ADAMTS5: variants seen among roughly 807,000 people sequenced by gnomAD.
ADAMTS5 encodes ADAM metallopeptidase with thrombospondin type 1 motif 5, also known as A disintegrin and metalloproteinase with thrombospondin motifs 5.
In ADAMTS5, 54 loss-of-function variants were observed where a neutral mutation model predicts 81.4. The ratio of observed to expected loss-of-function variants is 0.66; its 90% CI spans 0.53 to 0.83. ADAMTS5 has a LOEUF of 0.83. ADAMTS5 is among the 40% of genes least tolerant of loss of function. ADAMTS5 has a pLI of 0.00. For synonymous variants in ADAMTS5, 532 were observed against 508.8 expected (o/e 1.05, Z -0.61); for missense variants, 1,194 against 1,229.9 (o/e 0.97, Z 0.44).
At chr21:26,940,374 T>C (rs1192844965) in intron 3 of ADAMTS5, among the ~76,000 whole-genome samples, 1 of 152,202 alleles carries the variant, frequency 6.6e-6, no homozygotes, top group Non-Finnish European at 1.5e-5. Flanking sequence ...TTTTTTTCTG[T>C]GTGTCAATTA....
intron 2 of ADAMTS5, among the ~76,000 whole-genome samples, chr21:26,951,813 T>TA (rs772821896): frequency 2.9e-5 from 4 of 138,290 alleles, no homozygotes; most frequent in Non-Finnish European, 4.6e-5. Context: ...ATCCAAAAAA[T>TA]ACAGCACGGG....
At chr21:26,930,138 C>T in intron 6 of ADAMTS5, 77 bp from the exon 7 acceptor site, 1 of 1,422,460 alleles carries the variant, frequency 7.0e-7, no homozygotes, top group East Asian at 2.3e-5. Flanking sequence ...AGTAAGTTCT[C>T]ATTTGTGATT....
At chr21:26,939,340 C>T (rs1480193278) in intron 3 of ADAMTS5, among the ~76,000 whole-genome samples, 2 of 152,078 alleles carry the variant, frequency 1.3e-5, no homozygotes, top group African/African-American at 2.4e-5. Flanking sequence ...TATAAGTCAC[C>T]GTGGCCTTAA....
chr21:26,927,153 A>G (rs188217194), intron 7 of ADAMTS5, among the ~76,000 whole-genome samples: 1 of 152,198 alleles, frequency 6.6e-6, no homozygotes, highest in African/African-American at 2.4e-5. Flanking sequence ...TATGGCTGGC[A>G]GGGCAAAGGA....
At position 26,954,878 on chromosome 21, in the gene ADAMTS5, A is replaced by G. The variant is rs749063923; in HGVS notation, c.1105-7T>C. 6.2e-7 allele frequency: 1 copy of G among 1,613,274 alleles called. No individual in the cohort carries two copies. The highest frequency in any genetic ancestry group is 8.5e-7 in the Non-Finnish European group (1 of 1,179,770). ...AATGATGCCCACATAAATCCTGCCC[A>G]GGAGAAAGAAAGAAATCATTAAAAT... On this transcript the variant is annotated splice_region_variant and splice_polypyrimidine_tract_variant and intron_variant, in intron 1 of 7. Transcript: ENST00000284987.
At chr21:26,942,916 G>A (rs556065032) in intron 3 of ADAMTS5, among the ~76,000 whole-genome samples, 1 of 152,262 alleles carries the variant, frequency 6.6e-6, no homozygotes, top group South Asian at 2.1e-4. Flanking sequence ...AATCTAGAAA[G>A]CTTCCTCTTC....
chr21:26,923,955 G>T lies in ADAMTS5; in HGVS notation c.*98C>A. The T allele has an allele frequency of 7.9e-7, 1 of 1,267,838 alleles. No homozygotes were observed. The highest frequency in any genetic ancestry group is 1.1e-6 in the Non-Finnish European group (1 of 933,844). The allele number at this position is 1,267,838 out of a possible 1,614,324, so 78.5% of individuals were successfully genotyped here. ...GACTCCTGTTGACAATGTCACTGAA[G>T]CATGACTTTCTGTGCGTTAGGTAGA... On this transcript the variant is annotated 3_prime_UTR_variant, in exon 8 of 8. Coordinates refer to ENST00000284987, the MANE Select transcript of ADAMTS5 (RefSeq NM_007038.5).
At chr21:26,926,345 A>G (rs181916038) in intron 7 of ADAMTS5, among the ~76,000 whole-genome samples, 144 of 152,336 alleles carry the variant, frequency 9.5e-4, no homozygotes, top group African/African-American at 2.7e-3. Flanking sequence ...GAACAAGTTC[A>G]CTTTAGAGCT....
Position 26,965,375 on chromosome 21 carries a change from C to A in ADAMTS5, c.1017G>T (p.Lys339Asn). The change falls in exon 1 of 8, where the codon AAG becomes AAT. Residue 339 changes from lysine to asparagine, a missense_variant. Coordinates refer to ENST00000284987, the MANE Select transcript of ADAMTS5 (RefSeq NM_007038.5). Reference sequence around the variant, plus strand: ...GTTGGTGCTGCCACTTGCAAAAGTTCTTGAGTGTGGTGGCAGCGTTCTTGC... The same window carrying A: ...GTTGGTGCTGCCACTTGCAAAAGTTATTGAGTGTGGTGGCAGCGTTCTTGC... The part of the protein sequence containing the change: ...EVSKNAATTL[K>N]NFCKWQHQHN... 1 of 1,614,254 alleles carries A rather than the reference C, an allele frequency of 6.2e-7. No individual in the cohort carries two copies. The highest frequency in any genetic ancestry group is 1.6e-4 in the Middle Eastern group (1 of 6,062).
chr21:26,942,500 C>G (rs1185144237), intron 3 of ADAMTS5, among the ~76,000 whole-genome samples: 1 of 152,100 alleles, frequency 6.6e-6, no homozygotes. Context: ...ATGTCCATTT[C>G]TGTAACATAG....
At chr21:26,937,444 T>G (rs965809345) in intron 3 of ADAMTS5, among the ~76,000 whole-genome samples, 1 of 152,244 alleles carries the variant, frequency 6.6e-6, no homozygotes, top group African/African-American at 2.4e-5. Context: ...TTCTCAGTAC[T>G]AGGATTTGTA....
chr21:26,926,194 C>G (rs921911216), intron 7 of ADAMTS5, among the ~76,000 whole-genome samples: 1 of 152,108 alleles, frequency 6.6e-6, no homozygotes, highest in Non-Finnish European at 1.5e-5. Context: ...TCGCTTTAGC[C>G]CAGGTCTTGG....
intron 2 of ADAMTS5, among the ~76,000 whole-genome samples, chr21:26,953,437 A>C (rs1987359002): frequency 6.6e-6 from 1 of 152,204 alleles, no homozygotes; most frequent in South Asian, 2.1e-4. Flanking sequence ...ACATTTAACT[A>C]CTGAATTCTG....
At position 26,918,761 on chromosome 21, in the gene ADAMTS5, T is replaced by C. The variant is rs1232777882; in HGVS notation, c.*5292A>G. ...AGTTGTTAAAGAAAAGGCTGAGATA[T>C]AGTCACCAAGTGTTTACCAATAACA... On this transcript the variant is annotated 3_prime_UTR_variant, in exon 8 of 8. Transcript: ENST00000284987. The C allele has an allele frequency of 6.6e-6, 1 of 151,898 alleles. No homozygotes were observed. Among genetic ancestry groups the C allele is most frequent in the Non-Finnish European group, 1.5e-5 (1 of 67,894 alleles). The allele number at this position is 151,898 out of a possible 1,614,324, so 9.4% of individuals were successfully genotyped here. A position where few individuals can be genotyped will look rare whatever the true frequency, so the allele number is the denominator to read the frequency against.
chr21:26,943,594 T>G, intron 2 of ADAMTS5, 47 bp from the exon 3 acceptor site: 2 of 1,550,546 alleles, frequency 1.3e-6, no homozygotes, highest in Non-Finnish European at 1.8e-6. Flanking sequence ...GATTGTGTAT[T>G]TCTATCTTTC....
chr21:26,938,528 T>TTTTTG (rs955775306), intron 3 of ADAMTS5, among the ~76,000 whole-genome samples: 4 of 152,090 alleles, frequency 2.6e-5, no homozygotes, highest in Admixed American at 6.5e-5. Context: ...CAAAGTTGTT[T>TTTTTG]TTTTGTTTTG....
rs180889967 is a variant in ADAMTS5 at position 26,965,012 on chromosome 21, C to T, written c.1104+276G>A. Among the ~76,000 whole-genome samples, 54 of 152,268 alleles carry T rather than the reference C, an allele frequency of 3.5e-4. 1 individual carries two copies. The highest frequency in any genetic ancestry group is 6.8e-3 in the Middle Eastern group (2 of 294). On this transcript the variant is annotated intron_variant, in intron 1 of 7. Transcript: ENST00000284987. Reference sequence around the variant, plus strand: ...GCATCCTTGTGCCTTCTTATGTTTACGTTCCTATGCCACAACACCTCAGAC... The same window carrying T: ...GCATCCTTGTGCCTTCTTATGTTTATGTTCCTATGCCACAACACCTCAGAC...
Position 26,922,262 on chromosome 21 carries a change from T to A in ADAMTS5, c.*1791A>T, listed in dbSNP as rs1395455830. ...ATTGGTTTTGTAAAACAATTATTTG[T>A]TTTAAAAGCAATTTCTTAAGAAAAT... On this transcript the variant is annotated 3_prime_UTR_variant, in exon 8 of 8. Coordinates refer to ENST00000284987, the MANE Select transcript of ADAMTS5 (RefSeq NM_007038.5). The A allele has an allele frequency of 1.3e-5, 2 of 152,082 alleles. No individual in the cohort carries two copies. The highest frequency in any genetic ancestry group is 2.9e-5 in the Non-Finnish European group (2 of 67,940). 9.4% of individuals were successfully genotyped at this position (152,082 alleles called of 1,614,324 possible).
At chr21:26,955,755 T>C (rs1196068243) in intron 1 of ADAMTS5, among the ~76,000 whole-genome samples, 1 of 152,202 alleles carries the variant, frequency 6.6e-6, no homozygotes, top group African/African-American at 2.4e-5. Flanking sequence ...TGAGTATTAA[T>C]GGACATTAGC....
Sources: gnomAD v4.1 joint callset for allele counts (sites outside exome capture counted in the v4.1 genomes callset) on GRCh38, gnomAD v4.1.1 for gene constraint, MANE v1.5 for transcripts, NCBI Gene and HGNC (gene_info 2026-07-23, HGNC 2026-07-21) for gene names.